Variants in SOX6 observed in about 807,000 individuals in gnomAD.
The protein encoded by SOX6 is transcription factor SOX-6.
SOX6 carries 11 observed loss-of-function variants against 97.8 expected under a neutral mutation model. The ratio of observed to expected loss-of-function variants is 0.11; its 90% CI spans 0.07 to 0.19. The LOEUF is 0.19. SOX6 is among the 10% of genes least tolerant of loss of function. The pLI is 1.00. For missense variants in SOX6, 810 were observed against 1,039.5 expected, an observed-to-expected ratio of 0.78 and a Z score of 3.04; for synonymous variants, 360 against 371.4, an observed-to-expected ratio of 0.97 and a Z score of 0.35.
chr11:16,111,202 G>A (rs749189422), intron 7 of SOX6, among the ~76,000 whole-genome samples: 4 of 152,154 alleles, frequency 2.6e-5, no homozygotes, highest in South Asian at 2.1e-4. Flanking sequence ...AGTAAACTCC[G>A]AGGAAAAAAG....
intron 3 of SOX6, among the ~76,000 whole-genome samples, chr11:16,305,905 A>G (rs1407072902): frequency 6.6e-6 from 1 of 152,122 alleles, no homozygotes; most frequent in Non-Finnish European, 1.5e-5. Context: ...TAAAGAACAT[A>G]TTAGTAGTTG....
intron 4 of SOX6, among the ~76,000 whole-genome samples, chr11:16,223,796 C>T (rs1429265208): frequency 6.6e-6 from 1 of 152,064 alleles, no homozygotes; most frequent in Admixed American, 6.6e-5. Flanking sequence ...TAATGACCTT[C>T]ATTTTACTTA....
chr11:16,158,144 T>C (rs1700468102), intron 6 of SOX6, among the ~76,000 whole-genome samples: 1 of 151,990 alleles, frequency 6.6e-6, no homozygotes, highest in Non-Finnish European at 1.5e-5. Context: ...AATTCAAAAA[T>C]TGTTGAGTTA....
chr11:16,405,097 T>C (rs1858657239), intron 1 of SOX6, among the ~76,000 whole-genome samples: 1 of 152,024 alleles, frequency 6.6e-6, no homozygotes, highest in Admixed American at 6.6e-5. Flanking sequence ...GAAATTGTTA[T>C]GAAACAGCCT....
intron 1 of SOX6, among the ~76,000 whole-genome samples, chr11:16,467,867 G>A (rs1860071501): frequency 6.6e-6 from 1 of 152,144 alleles, no homozygotes; most frequent in Non-Finnish European, 1.5e-5. Context: ...TGCCCAATTA[G>A]TGTATTTATT....
chr11:16,551,032 A>G (rs763132151), intron 4 of SOX6, among the ~76,000 whole-genome samples: 26 of 152,256 alleles, frequency 1.7e-4, no homozygotes, highest in Non-Finnish European at 1.3e-4. Flanking sequence ...AGCCTAGGCA[A>G]CATAGTAAGA....
chr11:16,416,276 G>A (rs749253452), intron 1 of SOX6, among the ~76,000 whole-genome samples: 5 of 152,170 alleles, frequency 3.3e-5, no homozygotes, highest in South Asian at 4.1e-4. Flanking sequence ...TTTCCTACTG[G>A]TGAGCATCAT....
chr11:16,635,003 A>C (rs949403594), intron 3 of SOX6, among the ~76,000 whole-genome samples: 2 of 152,144 alleles, frequency 1.3e-5, no homozygotes, highest in Admixed American at 6.5e-5. Context: ...CATGATTGTT[A>C]GTTTCCTGAG....
At chr11:16,020,695 C>T (rs1039080249) in intron 12 of SOX6, among the ~76,000 whole-genome samples, 1 of 152,136 alleles carries the variant, frequency 6.6e-6, no homozygotes, top group Non-Finnish European at 1.5e-5. Flanking sequence ...GATCTACCTA[C>T]TCTCTGCTAT....
At chr11:16,211,517 T>C (rs1435499524) in intron 4 of SOX6, among the ~76,000 whole-genome samples, 1 of 151,586 alleles carries the variant, frequency 6.6e-6, no homozygotes, top group African/African-American at 2.4e-5. Flanking sequence ...CAAAAAGGGA[T>C]AGTGCTGTAT....
At chr11:16,670,113 G>A (rs980508959) in intron 3 of SOX6, among the ~76,000 whole-genome samples, 3 of 152,058 alleles carry the variant, frequency 2.0e-5, no homozygotes, top group Non-Finnish European at 2.9e-5. Context: ...CACACCCATG[G>A]CTGAGCATAC....
intron 12 of SOX6, among the ~76,000 whole-genome samples, chr11:16,017,255 T>C (rs1049815114): frequency 4.6e-5 from 7 of 152,064 alleles, no homozygotes; most frequent in South Asian, 2.1e-4. Flanking sequence ...CATACATTTT[T>C]CTAACTTCAT....
chr11:16,025,130 G>A (rs1426421369), intron 12 of SOX6, among the ~76,000 whole-genome samples: 1 of 152,044 alleles, frequency 6.6e-6, no homozygotes, highest in Non-Finnish European at 1.5e-5. Flanking sequence ...GTTTTAATAT[G>A]GTTTTAACCA....
chr11:16,737,906 T>C (rs554709416), intron 1 of SOX6, among the ~76,000 whole-genome samples: 1 of 151,978 alleles, frequency 6.6e-6, no homozygotes, highest in African/African-American at 2.4e-5. Flanking sequence ...TTACTTTTTT[T>C]AAAAAAGAAA....
chr11:16,320,620 G>A (rs1855892281), intron 2 of SOX6, among the ~76,000 whole-genome samples: 1 of 152,028 alleles, frequency 6.6e-6, no homozygotes, highest in Admixed American at 6.6e-5. Flanking sequence ...TTTGGGAATG[G>A]GACTAAAGAG....
At chr11:16,606,966 C>T (rs1379888574) in intron 4 of SOX6, among the ~76,000 whole-genome samples, 1 of 152,116 alleles carries the variant, frequency 6.6e-6, no homozygotes, top group Non-Finnish European at 1.5e-5. Context: ...GCCCCTTTCT[C>T]TCCCTCCACT....
intron 1 of SOX6, among the ~76,000 whole-genome samples, chr11:16,387,301 A>G (rs530614281): frequency 1.3e-5 from 2 of 152,160 alleles, no homozygotes; most frequent in Non-Finnish European, 2.9e-5. Context: ...GTCAATTACC[A>G]GATATTGCAT....
At position 16,695,873 on chromosome 11, in the gene SOX6, G is replaced by A. The variant is rs1375470312; in HGVS notation, n.429+18957C>T. Among the ~76,000 whole-genome samples, 4 of 151,946 alleles carry A rather than the reference G, an allele frequency of 2.6e-5. No homozygotes were observed. The East Asian group carries it at 7.7e-4, about 29-fold the overall frequency. The stretch of plus-strand genomic sequence containing the variant: ...ACACACACAATTAGCCAGGCCTGAT[G>A]TTGCATGCCTATAATCCCAGCTACT... On this transcript the variant is annotated intron_variant and non_coding_transcript_variant, in intron 3 of 5. Transcript: ENST00000524520.
rs1467333850 is a variant in SOX6 at position 16,584,855 on chromosome 11, T to TA, written n.609+27225dup. Reference sequence around the variant, plus strand: ...ATCACTGGCCAAGCCAGGCTGCACCTAGGCCTGCCCTGGGAAATGCCTCCT... The same window carrying TA: ...ATCACTGGCCAAGCCAGGCTGCACCTAAGGCCTGCCCTGGGAAATGCCTCCT... On this transcript the variant is annotated intron_variant and non_coding_transcript_variant, in intron 4 of 5. Transcript: ENST00000524520. 2.0e-5 allele frequency among the ~76,000 whole-genome samples: 3 copies of TA among 152,234 alleles called. No individual in the cohort carries two copies. The East Asian group carries it at 5.8e-4, about 29-fold the overall frequency.
Sources: gnomAD v4.1 joint callset for allele counts (sites outside exome capture counted in the v4.1 genomes callset) on GRCh38, gnomAD v4.1.1 for gene constraint, MANE v1.5 for transcripts, NCBI Gene and HGNC (gene_info 2026-07-23, HGNC 2026-07-21) for gene names.